The following ZNF425 variants were observed in gnomAD, a reference collection of about 807,000 sequenced individuals.
The protein encoded by ZNF425 is zinc finger protein 425.
A neutral mutation model predicts 17.0 loss-of-function variants in ZNF425; 21 were observed. The observed-to-expected ratio is 1.23, with a 90% confidence interval of 0.88 to 1.78. The LOEUF (loss-of-function observed/expected upper bound fraction) is 1.78. Among genes scored for constraint, ZNF425 ranks in the 40% most tolerant of loss-of-function variants. The probability of loss-of-function intolerance (pLI) is 0.00; values close to 1 mark genes in which losing one functional copy is unlikely to be tolerated. For synonymous variants in ZNF425, 433 were observed against 384.1 expected (o/e 1.13, Z -1.49); for missense variants, 868 against 967.3 (o/e 0.90, Z 1.36).
intron 3 of ZNF425, among the ~76,000 whole-genome samples, chr7:149,111,689 TC>T (rs150672969): frequency 0.044 from 6,654 of 151,264 alleles, 500 homozygotes; most frequent in African/African-American, 0.15. Context: ...TGCTACCCTC[TC>T]TTTTTTTGAG....
chr7:149,125,022 C>T (rs768093796), intron 1 of ZNF425, among the ~76,000 whole-genome samples: 2 of 152,150 alleles, frequency 1.3e-5, no homozygotes, highest in Admixed American at 6.6e-5. Context: ...AGAGCTACCA[C>T]AAACTTTCCC....
chr7:149,126,194 A>G lies in ZNF425; in HGVS notation c.18+2T>C. Reference sequence around the variant, plus strand: ...CCTGCATCCTCCACCGGCCCTTCTTACCGAAGCCGGCTCGGCCATGGCGGT... The same window carrying G: ...CCTGCATCCTCCACCGGCCCTTCTTGCCGAAGCCGGCTCGGCCATGGCGGT... On this transcript the variant is annotated splice_donor_variant, in intron 1 of 3. Coordinates refer to ENST00000378061, the MANE Select transcript of ZNF425 (RefSeq NM_001001661.3). LOFTEE classifies it high-confidence loss of function. 6.2e-7 allele frequency: 1 copy of G among 1,612,988 alleles called. No individual in the cohort carries two copies. The highest frequency in any genetic ancestry group is 8.5e-7 in the Non-Finnish European group (1 of 1,179,632).
At chr7:149,122,535 T>C (rs1433181205) in intron 1 of ZNF425, among the ~76,000 whole-genome samples, 2 of 152,108 alleles carry the variant, frequency 1.3e-5, no homozygotes, top group African/African-American at 4.8e-5. Context: ...AGTTTTAAAT[T>C]TTGATTATGT....
At chr7:149,122,919 T>C (rs879794615) in intron 1 of ZNF425, among the ~76,000 whole-genome samples, 9 of 152,134 alleles carry the variant, frequency 5.9e-5, no homozygotes, top group Non-Finnish European at 8.8e-5. Flanking sequence ...GGTCTTGAAC[T>C]CCTAACCTCA....
chr7:149,118,441 A>G, intron 1 of ZNF425, 93 bp from the exon 2 acceptor site: 2 of 1,433,514 alleles, frequency 1.4e-6, no homozygotes, highest in Non-Finnish European at 1.9e-6. Flanking sequence ...GAAAGAAAAC[A>G]TGTTAATTAT....
At chr7:149,111,282 C>T (rs951546412) in intron 3 of ZNF425, among the ~76,000 whole-genome samples, 2 of 150,936 alleles carry the variant, frequency 1.3e-5, no homozygotes, top group Admixed American at 1.3e-4. Context: ...AACACTGTCT[C>T]TACTAAAAAT....
At chr7:149,124,338 G>A (rs1452969044) in intron 1 of ZNF425, among the ~76,000 whole-genome samples, 2 of 148,712 alleles carry the variant, frequency 1.3e-5, no homozygotes, top group Admixed American at 6.7e-5. Context: ...TGTAATTTTA[G>A]TAGAGAGGGA....
At position 149,120,835 on chromosome 7, in the gene ZNF425, A is replaced by G. The variant is rs573849234; in HGVS notation, c.19-2487T>C. On this transcript the variant is annotated intron_variant, in intron 1 of 3. Coordinates refer to ENST00000378061, the MANE Select transcript of ZNF425 (RefSeq NM_001001661.3). ...TTTTTTTATTGCCGAGTAGTATTCC[A>G]TGGTATGGATGCACCAGTTTGATTA... Among the ~76,000 whole-genome samples, 4 of 152,260 alleles carry G rather than the reference A, an allele frequency of 2.6e-5. No individual in the cohort carries two copies. In the East Asian group the frequency reaches 7.7e-4, roughly 29 times the overall value.
chr7:149,111,991 T>C, intron 3 of ZNF425, 146 bp downstream of exon 3: 2 of 755,194 alleles, frequency 2.6e-6, no homozygotes, highest in Non-Finnish European at 2.1e-6. Flanking sequence ...CCACATTTGC[T>C]ACCCTCTTGA....
chr7:149,108,097 C>T (rs906440978), intron 3 of ZNF425, among the ~76,000 whole-genome samples: 1 of 151,968 alleles, frequency 6.6e-6, no homozygotes, highest in Non-Finnish European at 1.5e-5. Flanking sequence ...GTCTCAAACT[C>T]CTGGCTTCAA....
chr7:149,112,434 G>C, intron 2 of ZNF425, 139 bp from the exon 3 acceptor site: 1 of 669,760 alleles, frequency 1.5e-6, no homozygotes, highest in Non-Finnish European at 2.5e-6. Context: ...AGGAGTTAGA[G>C]ACCAGCCTGG....
At chr7:149,124,521 A>ATG (rs1554458409) in intron 1 of ZNF425, among the ~76,000 whole-genome samples, 1,580 of 149,268 alleles carry the variant, frequency 0.011, 25 homozygotes, top group African/African-American at 0.037. Flanking sequence ...CCTCACCCAT[A>ATG]TTTTTTTGTT....
At position 149,126,288 on chromosome 7, in the gene ZNF425, G is replaced by T. The variant is rs904884406; in HGVS notation, c.-75C>A. Reference sequence around the variant, plus strand: ...CGCCCCAACCCAACTCCCAGGTACAGCCCTGCTGGCCCCCAAAGGCAGAGC... The same window carrying T: ...CGCCCCAACCCAACTCCCAGGTACATCCCTGCTGGCCCCCAAAGGCAGAGC... On this transcript the variant is annotated 5_prime_UTR_variant, in exon 1 of 4. The change creates a new upstream start codon in the 5' untranslated region. Transcript: ENST00000378061. 5.2e-6 allele frequency: 8 copies of T among 1,550,158 alleles called. 1 individual carries two copies. The Admixed American group carries it at 1.6e-4, about 31-fold the overall frequency.
chr7:149,109,020 C>T (rs1412891095), intron 3 of ZNF425, among the ~76,000 whole-genome samples: 3 of 122 alleles, frequency 0.025, no homozygotes, highest in Non-Finnish European at 0.062. Flanking sequence ...CCCACTATGT[C>T]CCAAGAGAGT....
At chr7:149,124,475 G>A (rs1826418396) in intron 1 of ZNF425, among the ~76,000 whole-genome samples, 2 of 151,602 alleles carry the variant, frequency 1.3e-5, no homozygotes, top group Non-Finnish European at 2.9e-5. Context: ...TTTTTACAAT[G>A]TGATTTCAAC....
intron 2 of ZNF425, among the ~76,000 whole-genome samples, chr7:149,113,841 G>T (rs1304521114): frequency 6.6e-6 from 1 of 151,366 alleles, no homozygotes; most frequent in Non-Finnish European, 1.5e-5. Flanking sequence ...GTGAGCCACC[G>T]CACCTGGCCC....
intron 2 of ZNF425, among the ~76,000 whole-genome samples, chr7:149,117,417 C>A (rs1434592339): frequency 6.6e-6 from 1 of 152,050 alleles, no homozygotes. Context: ...CTCCTCCCTT[C>A]CTCTACCCTT....
intron 2 of ZNF425, among the ~76,000 whole-genome samples, chr7:149,116,485 A>G (rs923345121): frequency 2.6e-5 from 4 of 152,156 alleles, no homozygotes; most frequent in South Asian, 2.1e-4. Context: ...TCTGGAGACC[A>G]TCTTCTTCTG....
intron 2 of ZNF425, among the ~76,000 whole-genome samples, chr7:149,115,242 G>A (rs965025151): frequency 2.7e-5 from 4 of 150,696 alleles, no homozygotes; most frequent in Non-Finnish European, 5.9e-5. Context: ...GAGCCCCCAC[G>A]CCTGGTGAAT....
Sources: allele counts gnomAD v4.1 joint callset (sites outside exome capture counted in the v4.1 genomes callset), GRCh38; gene constraint gnomAD v4.1.1; transcripts MANE v1.5; gene names NCBI Gene and HGNC (gene_info 2026-07-23, HGNC 2026-07-21).